The following TRIP4 variants were observed in gnomAD, a reference collection of about 807,000 sequenced individuals.
TRIP4 encodes activating signal cointegrator 1.
A neutral mutation model predicts 81.8 loss-of-function variants in TRIP4; 54 were observed. That is an observed-to-expected ratio of 0.66 (90% CI 0.53 to 0.83). The LOEUF (loss-of-function observed/expected upper bound fraction) is 0.83. Among genes scored for constraint, TRIP4 ranks in the 40% least tolerant of loss-of-function variants. The pLI is 0.00. For missense variants in TRIP4, 662 were observed against 683.6 expected (o/e 0.97, Z 0.35); for synonymous variants, 270 against 242.8 (o/e 1.11, Z -1.04).
intron 7 of TRIP4, among the ~76,000 whole-genome samples, chr15:64,412,403 C>G (rs1247011525): frequency 6.6e-6 from 1 of 152,138 alleles, no homozygotes; most frequent in Non-Finnish European, 1.5e-5. Flanking sequence ...ATACCTACCT[C>G]TCCCTTGAAC....
intron 5 of TRIP4, among the ~76,000 whole-genome samples, chr15:64,404,985 C>T (rs1891590457): frequency 6.6e-6 from 1 of 152,022 alleles, no homozygotes; most frequent in African/African-American, 2.4e-5. Context: ...TGCACACAGC[C>T]ACCTAACCCA....
At chr15:64,410,130 A>G (rs1034535378) in intron 7 of TRIP4, among the ~76,000 whole-genome samples, 32 of 147,308 alleles carry the variant, frequency 2.2e-4, no homozygotes, top group African/African-American at 6.5e-4. Context: ...GGTTCAAGCC[A>G]TTCTCCTGCC....
At chr15:64,412,742 G>A (rs77109323) in intron 7 of TRIP4, among the ~76,000 whole-genome samples, 7,380 of 152,202 alleles carry the variant, frequency 0.048, 233 homozygotes, top group South Asian at 0.09. Flanking sequence ...ATCCACAAAC[G>A]TTTTGTCAAG....
At chr15:64,424,856 A>C (rs1048847044) in intron 10 of TRIP4, among the ~76,000 whole-genome samples, 4 of 152,106 alleles carry the variant, frequency 2.6e-5, no homozygotes, top group African/African-American at 9.7e-5. Flanking sequence ...CCTCACTGCA[A>C]CTTCCGCCTT....
chr15:64,410,084 G>A (rs1313677485), intron 7 of TRIP4, among the ~76,000 whole-genome samples: 1 of 144,156 alleles, frequency 6.9e-6, no homozygotes, highest in African/African-American at 2.6e-5. Flanking sequence ...GGAGTGCAGT[G>A]GCCTGATCTT....
intron 1 of TRIP4, among the ~76,000 whole-genome samples, chr15:64,392,014 C>T (rs1377310826): frequency 6.9e-6 from 1 of 145,706 alleles, no homozygotes; most frequent in Non-Finnish European, 1.5e-5. Flanking sequence ...AGCGGCTCAG[C>T]CTGTAATTCC....
intron 7 of TRIP4, 81 bp from the exon 8 acceptor site, chr15:64,414,004 T>C (rs1891830003): frequency 6.6e-7 from 1 of 1,521,490 alleles, no homozygotes; most frequent in Admixed American, 1.9e-5. Context: ...TTTATTACTA[T>C]TAAAGCATTT....
At chr15:64,390,412 T>TA (rs906637774) in intron 1 of TRIP4, among the ~76,000 whole-genome samples, 16 of 150,370 alleles carry the variant, frequency 1.1e-4, no homozygotes, top group Non-Finnish European at 1.3e-4. Flanking sequence ...AGTGAGCTGA[T>TA]ACCGCACCAC....
At chr15:64,395,679 C>T (rs1490254339) in intron 3 of TRIP4, 148 bp downstream of exon 3, 3 of 840,052 alleles carry the variant, frequency 3.6e-6, no homozygotes, top group Admixed American at 2.9e-5. Context: ...TACATATACT[C>T]CTTTCTATAT....
At chr15:64,419,391 G>A (rs147514130) in intron 9 of TRIP4, among the ~76,000 whole-genome samples, 48 of 151,338 alleles carry the variant, frequency 3.2e-4, no homozygotes, top group Admixed American at 4.6e-4. Context: ...ACCGAGTCTT[G>A]CTCTGTCACC....
At chr15:64,389,670 GAA>G (rs1596332193) in intron 1 of TRIP4, among the ~76,000 whole-genome samples, 1 of 148,962 alleles carries the variant, frequency 6.7e-6, no homozygotes, top group East Asian at 2.0e-4. Flanking sequence ...ATATAAAACA[GAA>G]AAGTGTTTTT....
At chr15:64,436,762 C>CTTTTTT in intron 11 of TRIP4, among the ~76,000 whole-genome samples, 1 of 8,966 alleles carries the variant, frequency 1.1e-4, no homozygotes, top group Non-Finnish European at 6.5e-4. Context: ...ACCATCTATG[C>CTTTTTT]CTTTTTTTTT....
chr15:64,417,776 G>A (rs578173494), intron 8 of TRIP4, among the ~76,000 whole-genome samples: 10 of 152,296 alleles, frequency 6.6e-5, no homozygotes, highest in African/African-American at 2.4e-4. Context: ...GACAACATCT[G>A]TTTGGCTTTG....
intron 11 of TRIP4, among the ~76,000 whole-genome samples, chr15:64,442,845 G>A (rs1892548355): frequency 6.6e-6 from 1 of 151,806 alleles, no homozygotes; most frequent in Middle Eastern, 3.2e-3. Context: ...AAATTAGCTG[G>A]GCATGGTTTT....
chr15:64,440,773 C>T (rs1892498943), intron 11 of TRIP4, among the ~76,000 whole-genome samples: 1 of 152,064 alleles, frequency 6.6e-6, no homozygotes, highest in African/African-American at 2.4e-5. Flanking sequence ...CAGTTTTTCC[C>T]ACTATTTAAC....
At chr15:64,406,607 A>G in intron 6 of TRIP4, 148 bp downstream of exon 6, 2 of 956,360 alleles carry the variant, frequency 2.1e-6, no homozygotes, top group Non-Finnish European at 3.0e-6. Context: ...GGAGGCCTAC[A>G]TCTTGTTTTT....
In TRIP4 at chr15:64,387,898, T is replaced by G. The variant is rs779735773; in HGVS notation, c.35T>G (p.Leu12Arg). 29 of 1,549,862 alleles carry G rather than the reference T, an allele frequency of 1.9e-5. No homozygotes were observed. Among genetic ancestry groups the G allele is most frequent in the East Asian group, 9.8e-5 (4 of 40,966 alleles). The stretch of plus-strand genomic sequence containing the variant: ...GCTGGGGCGGTGTCCGGGGAGCCGC[T>G]GGTGCACTGGTGCACCCAGCAGTTG... ...AVAGAVSGEP[L>R]VHWCTQQLRK... The change falls in exon 1 of 13, where the codon CTG (leucine) becomes CGG (arginine). Residue 12 changes from leucine to arginine, a missense_variant. Physicochemically the swap from Leu to Arg is moderately radical, Grantham distance 102. Transcript: ENST00000261884.
At chr15:64,425,700 C>T in intron 11 of TRIP4, 69 bp downstream of exon 11, 2 of 1,296,462 alleles carry the variant, frequency 1.5e-6, no homozygotes, top group Non-Finnish European at 2.2e-6. Context: ...GTCTTGAAAG[C>T]ACTTTAAGAG....
chr15:64,415,612 T>C (rs1891877781), intron 8 of TRIP4, among the ~76,000 whole-genome samples: 1 of 152,230 alleles, frequency 6.6e-6, no homozygotes, highest in African/African-American at 2.4e-5. Context: ...TGTGTGTCTC[T>C]GTCACTGTGT....
Sources: allele counts gnomAD v4.1 joint callset (sites outside exome capture counted in the v4.1 genomes callset), GRCh38; gene constraint gnomAD v4.1.1; transcripts MANE v1.5; gene names NCBI Gene and HGNC (gene_info 2026-07-23, HGNC 2026-07-21).